The following CSGALNACT1 variants were observed in gnomAD, a reference collection of about 807,000 sequenced individuals.
CSGALNACT1 encodes the protein chondroitin sulfate N-acetylgalactosaminyltransferase 1, also known as beta4GalNAcT-1.
CSGALNACT1 carries 52 observed loss-of-function variants against 51.0 expected under a neutral mutation model. That is an observed-to-expected ratio of 1.02 (90% CI 0.82 to 1.29). The LOEUF is 1.29. Among genes scored for constraint, CSGALNACT1 ranks in the 50% most tolerant of loss-of-function variants. The pLI is 0.00. For synonymous variants in CSGALNACT1, 341 were observed against 254.4 expected (o/e 1.34, Z -3.24); for missense variants, 935 against 679.2 (o/e 1.38, Z -4.19).
intron 2 of CSGALNACT1, among the ~76,000 whole-genome samples, chr8:19,599,468 AAGAAAAAG>A (rs1222825776): frequency 9.2e-6 from 1 of 108,474 alleles, no homozygotes; most frequent in Admixed American, 1.0e-4. Context: ...GAAAGAAAGA[AAGAAAAAG>A]AAAGAAAGAA....
intron 3 of CSGALNACT1, among the ~76,000 whole-genome samples, chr8:19,553,620 C>CATATATATATATATATATATATATAT (rs769189103): frequency 5.6e-5 from 4 of 71,550 alleles, no homozygotes; most frequent in African/African-American, 2.8e-4. Flanking sequence ...TATATAAATA[C>CATATATATATATATATATATATATAT]ATATATATAT....
intron 1 of CSGALNACT1, among the ~76,000 whole-genome samples, chr8:19,670,577 A>G (rs1456264310): frequency 2.7e-5 from 4 of 149,998 alleles, no homozygotes; most frequent in African/African-American, 9.9e-5. Context: ...ATACACAGGA[A>G]ACCAAGGATC....
intron 4 of CSGALNACT1, among the ~76,000 whole-genome samples, chr8:19,497,260 G>C (rs577888642): frequency 6.6e-6 from 1 of 152,274 alleles, no homozygotes; most frequent in South Asian, 2.1e-4. Flanking sequence ...GAGTGAGAGA[G>C]GAGAGAAGTA....
rs1359246890 is a variant in CSGALNACT1, at chr8:19,616,032, T to C, written c.-543-14167A>G. 2.0e-5 allele frequency among the ~76,000 whole-genome samples: 3 copies of C among 152,286 alleles called. No homozygotes were observed. In the East Asian group the frequency reaches 5.8e-4, roughly 29 times the overall value. ...CAATAGGAAAATTACCAAGACACTGTGGATATACAAGATTGAATAAAATGC... is the reference window on the plus strand; with the variant it reads ...CAATAGGAAAATTACCAAGACACTGCGGATATACAAGATTGAATAAAATGC... On this transcript the variant is annotated intron_variant, in intron 1 of 9. Coordinates refer to the CSGALNACT1 transcript ENST00000332246.
At chr8:19,511,130 A>C (rs1215093519) in intron 3 of CSGALNACT1, among the ~76,000 whole-genome samples, 2 of 152,258 alleles carry the variant, frequency 1.3e-5, no homozygotes, top group Non-Finnish European at 2.9e-5. Flanking sequence ...CTTCATGGCA[A>C]GGCCAGGGCA....
chr8:19,599,482 AAGAAAGAAAGAAAG>A (rs1206066504), intron 2 of CSGALNACT1, among the ~76,000 whole-genome samples: 6 of 78,924 alleles, frequency 7.6e-5, no homozygotes, highest in African/African-American at 2.2e-4. Flanking sequence ...AAAAGAAAGA[AAGAAAGAAAGAAAG>A]AAAGAAAGAA....
intron 1 of CSGALNACT1, among the ~76,000 whole-genome samples, chr8:19,674,465 G>C (rs1286529205): frequency 2.0e-5 from 3 of 152,156 alleles, no homozygotes; most frequent in Non-Finnish European, 4.4e-5. Context: ...CCCTGAGGCA[G>C]GACAATGTCA....
At chr8:19,452,258 G>A (rs2063311693) in intron 5 of CSGALNACT1, among the ~76,000 whole-genome samples, 2 of 152,174 alleles carry the variant, frequency 1.3e-5, no homozygotes, top group South Asian at 4.1e-4. Context: ...GCAGCCTGGG[G>A]GACCTAGGGA....
chr8:19,564,387 T>C (rs1463101450), intron 3 of CSGALNACT1, among the ~76,000 whole-genome samples: 2 of 149,016 alleles, frequency 1.3e-5, no homozygotes, highest in African/African-American at 5.1e-5. Context: ...TTTTCTCAGG[T>C]GAGGTTCAGG....
chr8:19,552,310 G>C (rs529107590), intron 3 of CSGALNACT1, among the ~76,000 whole-genome samples: 1 of 152,266 alleles, frequency 6.6e-6, no homozygotes, highest in Admixed American at 6.5e-5. Context: ...TTTACTTACA[G>C]TGAAGTATAT....
intron 1 of CSGALNACT1, among the ~76,000 whole-genome samples, chr8:19,751,174 T>G (rs2065003684): frequency 6.6e-6 from 1 of 152,158 alleles, no homozygotes; most frequent in Non-Finnish European, 1.5e-5. Flanking sequence ...AAAGAAGTCA[T>G]GAGCTCAGGT....
exon 10 of CSGALNACT1, chr8:19,404,796 C>G (rs2053834950): frequency 2.2e-6 from 1 of 454,510 alleles, no homozygotes; most frequent in Non-Finnish European, 4.4e-6. Flanking sequence ...CACGATATCA[C>G]CAGTCTGAAT....
In CSGALNACT1 at chr8:19,676,107, A is replaced by C. The variant is rs1209563975; in HGVS notation, c.-544+6366T>G. Among the ~76,000 whole-genome samples the C allele has an allele frequency of 3.3e-5, 5 of 151,094 alleles. 1 individual carries two copies. Among genetic ancestry groups the C allele is most frequent in the African/African-American group, 9.7e-5 (4 of 41,070 alleles). ...TTTAAAAAACAAAACAAAACAAAAA[A>C]AACTCCCAGATTACAAAAGGAACCA... On this transcript the variant is annotated intron_variant, in intron 1 of 9. Transcript: ENST00000332246.
Position 19,505,417 on chromosome 8 carries a change from C to A in CSGALNACT1, c.418G>T (p.Ala140Ser). The A allele has an allele frequency of 1.2e-6, 2 of 1,614,220 alleles. No homozygotes were observed. Among genetic ancestry groups the A allele is most frequent in the Non-Finnish European group, 1.7e-6 (2 of 1,180,044 alleles). ...AAAGGCACTGCTGCATACTCTGTGG[C>A]CAGCTTGACGCCAGCATTCACCTCT... The change falls in exon 4 of 10, where the codon GCC (alanine) becomes TCC (serine). Residue 140 changes from alanine (A) to serine (S), a missense_variant. Coordinates refer to ENST00000454498, the Ensembl canonical transcript of CSGALNACT1.
intron 3 of CSGALNACT1, among the ~76,000 whole-genome samples, chr8:19,510,382 C>T (rs2078235606): frequency 6.6e-6 from 1 of 152,206 alleles, no homozygotes; most frequent in Non-Finnish European, 1.5e-5. Context: ...CAGAAACAAC[C>T]TCCAAATAAC....
At chr8:19,691,341 T>G (rs1340871386) in intron 1 of CSGALNACT1, among the ~76,000 whole-genome samples, 1 of 152,148 alleles carries the variant, frequency 6.6e-6, no homozygotes, top group Admixed American at 6.5e-5. Flanking sequence ...TCACTGTTTT[T>G]GACAACACAG....
chr8:19,476,537 C>T (rs1159223010), intron 4 of CSGALNACT1, among the ~76,000 whole-genome samples: 1 of 152,154 alleles, frequency 6.6e-6, no homozygotes, highest in South Asian at 2.1e-4. Flanking sequence ...TCACCACATC[C>T]AGCCTCCCCA....
At chr8:19,472,751 G>T in intron 4 of CSGALNACT1, among the ~76,000 whole-genome samples, 1 of 152,112 alleles carries the variant, frequency 6.6e-6, no homozygotes. Context: ...GCTTCAAAAA[G>T]CTTATCAACT....
intron 3 of CSGALNACT1, among the ~76,000 whole-genome samples, chr8:19,560,452 C>T (rs1257834613): frequency 6.6e-6 from 1 of 152,110 alleles, no homozygotes; most frequent in African/African-American, 2.4e-5. Flanking sequence ...AGTTAAAAGA[C>T]ATGCCACAGA....
Sources: gnomAD v4.1 joint callset for allele counts (sites outside exome capture counted in the v4.1 genomes callset) on GRCh38, gnomAD v4.1.1 for gene constraint, MANE v1.5 for transcripts, NCBI Gene and HGNC (gene_info 2026-07-23, HGNC 2026-07-21) for gene names.